The following KIF1C variants were observed in gnomAD, a reference collection of about 807,000 sequenced individuals.
KIF1C encodes the protein kinesin family member 1C.
Under a neutral mutation model 126.5 loss-of-function variants are expected in KIF1C, and 61 were observed. That is an observed-to-expected ratio of 0.48 (90% CI 0.39 to 0.60). The LOEUF is 0.60. Among genes scored for constraint, KIF1C ranks in the 20% least tolerant of loss-of-function variants. KIF1C has a pLI of 0.00. For synonymous variants in KIF1C, 640 were observed against 580.6 expected (o/e 1.10, Z -1.47); for missense variants, 1,315 against 1,489.2 (o/e 0.88, Z 1.93).
chr17:5,004,797 A>G lies in KIF1C; in HGVS notation c.1020-58A>G, dbSNP rs1435242104. The G allele has an allele frequency of 1.1e-5, 18 of 1,610,730 alleles. No homozygotes were observed. The Admixed American group carries it at 3.0e-4, about 27-fold the overall frequency. On this transcript the variant is annotated intron_variant, in intron 12 of 22. Transcript: ENST00000320785. The stretch of plus-strand genomic sequence containing the variant: ...ACCTGGGAGAGGGGGAAGGAGAAAC[A>G]GCAGACCAAGGGTCCCCTGCCCCCA...
chr17:5,006,970 C>G lies in KIF1C; in HGVS notation c.1221C>G (p.Pro407=). ...VRGALPAVSS[P]PAPVSPSSPT... is the part of the protein sequence containing the mutation. ...GCGCCCTGCCAGCTGTGTCATCTCC[C>G]CCAGCTCCAGTTTCACCCTCATCAC... Residue 407 remains proline (P), a synonymous_variant, in exon 14 of 23, where the codon CCC becomes CCG. Transcript: ENST00000320785. The G allele has an allele frequency of 1.2e-6, 2 of 1,610,484 alleles. No homozygotes were observed. Among genetic ancestry groups the G allele is most frequent in the South Asian group, 1.1e-5 (1 of 90,708 alleles).
At chr17:5,002,690 G>T (rs555551355) in intron 7 of KIF1C, 41 bp from the exon 8 acceptor site, 2 of 1,612,764 alleles carry the variant, frequency 1.2e-6, no homozygotes, top group Non-Finnish European at 1.7e-6. Flanking sequence ...GGGTTGGGAA[G>T]GTGAGAGGCA....
At chr17:5,018,085 AT>A (rs1168627918) in intron 18 of KIF1C, among the ~76,000 whole-genome samples, 2 of 151,776 alleles carry the variant, frequency 1.3e-5, no homozygotes. Flanking sequence ...GGTTAAAGTG[AT>A]CCCCCCACCT....
intron 7 of KIF1C, 24 bp from the exon 8 acceptor site, chr17:5,002,707 A>G: frequency 6.2e-7 from 1 of 1,613,446 alleles, no homozygotes; most frequent in Non-Finnish European, 8.5e-7. Context: ...GGCAGGATCC[A>G]GTGACTGCTT....
chr17:5,005,115 C>T (rs1295825844), intron 13 of KIF1C, 115 bp downstream of exon 13: 3 of 1,316,112 alleles, frequency 2.3e-6, no homozygotes, highest in East Asian at 2.3e-5. Flanking sequence ...TGAAACCTTT[C>T]ATGTGCTCAG....
In KIF1C at chr17:5,027,185, A is replaced by G. The variant is rs1488153281; in HGVS notation, c.*3034A>G. On this transcript the variant is annotated 3_prime_UTR_variant, in exon 23 of 23. Coordinates refer to ENST00000320785, the MANE Select transcript of KIF1C (RefSeq NM_006612.6). ...GCTCTGTTGCCTAGGCTGGAGTGCG[A>G]TGGCACAATCTTGGCTCACTACAAC... The G allele has an allele frequency of 2.0e-5, 3 of 152,092 alleles. No homozygotes were observed. The highest frequency in any genetic ancestry group is 7.2e-5 in the African/African-American group (3 of 41,410). 9.4% of individuals were successfully genotyped at this position (152,092 alleles called of 1,614,324 possible).
rs1974658971 is a variant in KIF1C at position 5,003,667 on chromosome 17, G to C, written c.776G>C (p.Gly259Ala). 6.2e-7 allele frequency: 1 copy of C among 1,613,852 alleles called. No homozygotes were observed. Among genetic ancestry groups the C allele is most frequent in the Non-Finnish European group, 8.5e-7 (1 of 1,179,932 alleles). The part of the protein sequence containing the change: ...LAGSERADSS[G>A]ARGMRLKEGA... Reference sequence around the variant, plus strand: ...GGGAGTGAGCGAGCCGACTCCTCAGGGGCCCGGGGCATGCGCCTGAAGGTG... The same window carrying C: ...GGGAGTGAGCGAGCCGACTCCTCAGCGGCCCGGGGCATGCGCCTGAAGGTG... The change falls in exon 9 of 23, where the codon GGG (glycine) becomes GCG (alanine). Residue 259 changes from glycine (G) to alanine (A), a missense_variant. Gly to Ala is a moderately conservative substitution (Grantham distance 60). Transcript: ENST00000320785.
chr17:4,999,227 T>G (rs1014771082), intron 1 of KIF1C, among the ~76,000 whole-genome samples: 15 of 152,202 alleles, frequency 9.9e-5, no homozygotes, highest in African/African-American at 3.6e-4. Context: ...CCTACAGTCC[T>G]TGGACTTTGC....
Position 5,013,666 on chromosome 17 carries a change from T to C in KIF1C, c.1505T>C (p.Val502Ala). ...CTCCCCGCTTAGACTCCCCACCTGG[T>C]GAACCTGAACGAAGACCCTCTGATG... ...VFSPKKTPHL[V>A]NLNEDPLMSE... The change falls in exon 17 of 23, where the codon GTG (valine) becomes GCG (alanine). Residue 502 changes from valine (V) to alanine (A), a missense_variant. Coordinates refer to ENST00000320785, the MANE Select transcript of KIF1C (RefSeq NM_006612.6). The C allele has an allele frequency of 1.2e-6, 2 of 1,613,658 alleles. No individual in the cohort carries two copies. Among genetic ancestry groups the C allele is most frequent in the African/African-American group, 1.3e-5 (1 of 75,020 alleles).
At position 5,022,321 on chromosome 17, in the gene KIF1C, T is replaced by C. The variant is rs1975108850; in HGVS notation, c.2240T>C (p.Leu747Pro). ...KDPRWATMADLKMQAVKEICY... is the reference protein window; with the variant it reads ...KDPRWATMADPKMQAVKEICY... ...CCCCGCTGGGCCACCATGGCTGACC[T>C]GAAGATGCAGGCGGTGAAGGAGATC... is the stretch of plus-strand genomic sequence containing the variant. Residue 747 changes from leucine to proline, a missense_variant, in exon 22 of 23, where the codon CTG (leucine) becomes CCG (proline). By Grantham distance (98) the Leu-to-Pro change is moderately conservative. Around this residue, in one of 2 missense-constraint regions of KIF1C, gnomAD observed 874 missense variants for 1,053.2 expected, o/e 0.83. Transcript: ENST00000320785. This position sits in a 1 kb window ranked among gnomAD's most constrained non-coding sequence, Gnocchi z 4.9. The C allele has an allele frequency of 1.2e-6, 2 of 1,607,836 alleles. No individual in the cohort carries two copies. The highest frequency in any genetic ancestry group is 1.7e-6 in the Non-Finnish European group (2 of 1,177,132).
At position 5,026,842 on chromosome 17, in the gene KIF1C, CTT is replaced by C. The variant is rs1236367098; in HGVS notation, c.*2693_*2694del. 3 of 151,608 alleles carry C rather than the reference CTT, an allele frequency of 2.0e-5. No homozygotes were observed. The highest frequency in any genetic ancestry group is 1.3e-4 in the Admixed American group (2 of 15,182). 9.4% of individuals were successfully genotyped at this position (151,608 alleles called of 1,614,324 possible). On this transcript the variant is annotated 3_prime_UTR_variant, in exon 23 of 23. Transcript: ENST00000320785. ...GTGGCTCACACCCGTAATCCCAACACTTTGGAATATTAGGGTGGGAGCATCAC... is the reference window on the plus strand; with the variant it reads ...GTGGCTCACACCCGTAATCCCAACACTGGAATATTAGGGTGGGAGCATCAC...
intron 3 of KIF1C, 31 bp downstream of exon 3, chr17:5,000,383 C>A: frequency 6.8e-7 from 1 of 1,464,684 alleles, no homozygotes; most frequent in Non-Finnish European, 9.4e-7. Flanking sequence ...TGGCTGGGCA[C>A]AGGCAGGGAA....
intron 18 of KIF1C, among the ~76,000 whole-genome samples, chr17:5,017,252 G>A (rs371139065): frequency 1.3e-5 from 2 of 151,860 alleles, no homozygotes; most frequent in South Asian, 4.2e-4. Context: ...GTGTTGCCAA[G>A]GGTGGGGATT....
intron 18 of KIF1C, 48 bp downstream of exon 18, chr17:5,014,885 T>C (rs1974940461): frequency 6.9e-7 from 1 of 1,440,574 alleles, no homozygotes; most frequent in Non-Finnish European, 9.6e-7. Flanking sequence ...AGAGGCCCCA[T>C]GTTCCACCCC....
In KIF1C at chr17:4,997,985, G is replaced by A. The variant is rs1236948290; in HGVS notation, c.-320G>A. 1 of 145,858 alleles carries A rather than the reference G, an allele frequency of 6.9e-6. No homozygotes were observed. Among genetic ancestry groups the A allele is most frequent in the Non-Finnish European group, 1.5e-5 (1 of 65,886 alleles). 9.0% of individuals were successfully genotyped at this position (145,858 alleles called of 1,614,324 possible). ...GCCCGGGCGGGCGCCGGCCGCTGGC[G>A]CCGCTACTGCTGCCGCCCCCGGGGC... On this transcript the variant is annotated 5_prime_UTR_variant, in exon 1 of 23. Coordinates refer to ENST00000320785, the MANE Select transcript of KIF1C (RefSeq NM_006612.6).
chr17:5,018,201 A>G (rs549262555), intron 18 of KIF1C, among the ~76,000 whole-genome samples: 10 of 151,900 alleles, frequency 6.6e-5, no homozygotes, highest in African/African-American at 2.2e-4. Context: ...GGCTGGTCTC[A>G]AAGTCCTGAG....
Position 5,023,422 on chromosome 17 carries a change from C to G in KIF1C, c.2629-46C>G, listed in dbSNP as rs886344442. The G allele has an allele frequency of 2.0e-6, 3 of 1,505,506 alleles. No individual in the cohort carries two copies. In the African/African-American group the frequency reaches 4.1e-5, roughly 21 times the overall value. 93.3% of individuals were successfully genotyped at this position (1,505,506 alleles called of 1,614,324 possible). On this transcript the variant is annotated intron_variant, in intron 22 of 22. Transcript: ENST00000320785. The surrounding 1 kb of genome is among the most constrained non-coding windows in gnomAD (Gnocchi z 4.2). Reference sequence around the variant, plus strand: ...CTTGAATCCACATGTCCTGAGGATTCAGCTCTCCTCACATCCCTTCTCCTT... The same window carrying G: ...CTTGAATCCACATGTCCTGAGGATTGAGCTCTCCTCACATCCCTTCTCCTT...
In KIF1C at chr17:5,007,025, T is replaced by C; in HGVS notation, c.1276T>C (p.Ser426Pro). ...CACACATAATGGGGAGCTGGAGCCG[T>C]CATTCTCCCCCAACACGGAGTCCCA... Reference protein sequence around the residue: ...PTTHNGELEPSFSPNTESQIG... With the variant: ...PTTHNGELEPPFSPNTESQIG... The change falls in exon 14 of 23, where the codon TCA (serine) becomes CCA (proline). Residue 426 changes from serine (S) to proline (P), a missense_variant. Physicochemically the swap from Ser to Pro is moderately conservative, Grantham distance 74 (BLOSUM62 -1). Around this residue, in one of 2 missense-constraint regions of KIF1C, gnomAD observed 874 missense variants for 1,053.2 expected, o/e 0.83. Transcript: ENST00000320785. 6.2e-7 allele frequency: 1 copy of C among 1,609,326 alleles called. No individual in the cohort carries two copies. Among genetic ancestry groups the C allele is most frequent in the South Asian group, 1.1e-5 (1 of 90,530 alleles).
chr17:5,005,155 G>A (rs552788852), intron 13 of KIF1C, among the ~76,000 whole-genome samples, 155 bp downstream of exon 13: 5 of 152,348 alleles, frequency 3.3e-5, no homozygotes, highest in East Asian at 1.9e-4. Context: ...GAGAGGGAAC[G>A]TATGTCTTCA....
Sources: gnomAD v4.1 joint callset for allele counts (sites outside exome capture counted in the v4.1 genomes callset) on GRCh38, gnomAD v4.1.1 for gene constraint, gnomAD v4.1.1 regional missense constraint, Gnocchi (gnomAD v3.1) non-coding constraint, MANE v1.5 for transcripts, NCBI Gene and HGNC (gene_info 2026-07-23, HGNC 2026-07-21) for gene names.